POTEF: variants seen among roughly 807,000 people sequenced by gnomAD.
The protein encoded by POTEF is POTE ankyrin domain family member F.
POTEF carries 20 observed loss-of-function variants against 83.2 expected under a neutral mutation model. The ratio of observed to expected loss-of-function variants is 0.24; its 90% CI spans 0.17 to 0.35. POTEF has a LOEUF of 0.35. Ranked by LOEUF, POTEF falls within the 10% of genes least tolerant of loss-of-function variation. POTEF has a pLI of 1.00. For missense variants in POTEF, 550 were observed against 1,203.2 expected (o/e 0.46, Z 8.03); for synonymous variants, 196 against 446.4 (o/e 0.44, Z 7.07).
chr2:130,073,941 G>A lies in POTEF; in HGVS notation c.*303C>T. On this transcript the variant is annotated 3_prime_UTR_variant, in exon 17 of 17. Coordinates refer to ENST00000409914, the MANE Select transcript of POTEF (RefSeq NM_001099771.2). The stretch of plus-strand genomic sequence containing the variant: ...CATTCTCCTTAGAGAGAAGTGGGGT[G>A]GCTTTTAGCAGGGCAAGGGGCTTCC... 1.8e-6 allele frequency: 1 copy of A among 544,790 alleles called. No homozygotes were observed. The highest frequency in any genetic ancestry group is 3.3e-6 in the Non-Finnish European group (1 of 305,320). 33.7% of individuals were successfully genotyped at this position (544,790 alleles called of 1,614,324 possible).
chr2:130,078,368 G>C (rs1683872975), intron 15 of POTEF, among the ~76,000 whole-genome samples: 1 of 90,774 alleles, frequency 1.1e-5, no homozygotes, highest in African/African-American at 4.1e-5. Flanking sequence ...AAAAAGGTGT[G>C]AAGTACCTAG....
At chr2:130,126,983 C>T (rs2104714296) in intron 2 of POTEF, among the ~76,000 whole-genome samples, 1 of 152,024 alleles carries the variant, frequency 6.6e-6, no homozygotes, top group Non-Finnish European at 1.5e-5. Flanking sequence ...ATCCCCTCCC[C>T]AATTCACAAA....
rs1425187427 is a variant in POTEF at position 130,075,055 on chromosome 2, G to A, written c.2417C>T (p.Thr806Ile). The change falls in exon 17 of 17, where the codon ACC becomes ATC. Residue 806 changes from threonine (T) to isoleucine (I), a missense_variant. Thr to Ile is a moderately conservative substitution (Grantham distance 89). Transcript: ENST00000409914. ...GGCCTTAGGGTTCAGGGTGGCCTCG[G>A]TCAGCAGGACGGGGTGCTCCTCGGG... ...VAPEEHPVLL[T>I]EATLNPKANR... 1.2e-6 allele frequency: 2 copies of A among 1,613,844 alleles called. No individual in the cohort carries two copies. Among genetic ancestry groups the A allele is most frequent in the Non-Finnish European group, 8.5e-7 (1 of 1,179,976 alleles).
At chr2:130,109,707 A>G (rs1187182199) in intron 7 of POTEF, 3 of 150,782 alleles carry the variant, frequency 2.0e-5, no homozygotes, top group African/African-American at 7.4e-5. Flanking sequence ...AACATCTGCC[A>G]GAGAAAAGAC....
intron 15 of POTEF, among the ~76,000 whole-genome samples, chr2:130,083,240 C>T (rs1371633718): frequency 4.0e-5 from 6 of 150,806 alleles, no homozygotes; most frequent in Admixed American, 6.6e-5. Context: ...GAGGCTGAGG[C>T]AGGAGAAGTG....
intron 2 of POTEF, among the ~76,000 whole-genome samples, chr2:130,126,694 A>C (rs1685100211): frequency 6.6e-6 from 1 of 152,082 alleles, no homozygotes; most frequent in African/African-American, 2.4e-5. Flanking sequence ...CTATTCAAGT[A>C]ACTAATTATA....
intron 8 of POTEF, among the ~76,000 whole-genome samples, chr2:130,105,147 T>C (rs531976055): frequency 5.7e-5 from 8 of 140,816 alleles, no homozygotes; most frequent in African/African-American, 1.1e-4. Context: ...ATATTGACGA[T>C]ACCTCTCTTC....
rs540232366 is a variant in POTEF, at chr2:130,074,912, C to T, written c.2560G>A (p.Asp854Asn). The change falls in exon 17 of 17, where the codon GAC becomes AAC. Residue 854 changes from aspartate (D) to asparagine (N), a missense_variant. Physicochemically the swap from Asp to Asn is conservative, Grantham distance 23. Coordinates refer to ENST00000409914, the MANE Select transcript of POTEF (RefSeq NM_001099771.2). ...TSGRTTGIVMDSGDGVTHTVP... is the reference protein window; with the variant it reads ...TSGRTTGIVMNSGDGVTHTVP... ...GTGTGGGTGACCCCGTCACCAGAGT[C>T]CATCACGATGCCAGTAGTACGGCCA... is the stretch of plus-strand genomic sequence containing the variant. The T allele has an allele frequency of 1.9e-5, 30 of 1,601,146 alleles. No individual in the cohort carries two copies. In the East Asian group the frequency reaches 6.1e-4, roughly 33 times the overall value.
chr2:130,105,450 T>C, intron 8 of POTEF, among the ~76,000 whole-genome samples: 1 of 151,710 alleles, frequency 6.6e-6, no homozygotes, highest in Non-Finnish European at 1.5e-5. Context: ...GAAAACTTCC[T>C]TTGTCTCCTG....
rs755473566 is a variant in POTEF at position 130,075,152 on chromosome 2, C to A, written c.2320G>T (p.Gly774Cys). 1 of 1,613,296 alleles carries A rather than the reference C, an allele frequency of 6.2e-7. No individual in the cohort carries two copies. Among genetic ancestry groups the A allele is most frequent in the African/African-American group, 1.3e-5 (1 of 74,648 alleles). Residue 774 changes from glycine to cysteine, a missense_variant, in exon 17 of 17, where the codon GGC becomes TGC. Gly to Cys is a radical substitution (Grantham distance 159, BLOSUM62 -3). Coordinates refer to ENST00000409914, the MANE Select transcript of POTEF (RefSeq NM_001099771.2). ...ILTLKYPMEH[G>C]IITNWDDMEK... The stretch of plus-strand genomic sequence containing the variant: ...ATGTCATCCCAGTTGGTGATGATGC[C>A]GTGTTCCATGGGGTACTTCAGGGTC...
chr2:130,076,621 T>G (rs937713730), intron 16 of POTEF, among the ~76,000 whole-genome samples: 72 of 142,482 alleles, frequency 5.1e-4, no homozygotes, highest in Admixed American at 1.0e-3. Flanking sequence ...GAGAAACTAC[T>G]TGGAGCAAAC....
rs1683768283 is a variant in POTEF at position 130,075,442 on chromosome 2, A to G, written c.2030T>C (p.Leu677Ser). 1 of 1,611,384 alleles carries G rather than the reference A, an allele frequency of 6.2e-7. No homozygotes were observed. Among genetic ancestry groups the G allele is most frequent in the Admixed American group, 1.7e-5 (1 of 59,934 alleles). Reference sequence around the variant, plus strand: ...TTTTTTCACACTTTCAATATCCTCCAAATATTTCTTTTCTCTTAGCTGGCT... The same window carrying G: ...TTTTTTCACACTTTCAATATCCTCCGAATATTTCTTTTCTCTTAGCTGGCT... ...HQSQLREKKY[L>S]EDIESVKKRN... Residue 677 changes from leucine to serine, a missense_variant, in exon 17 of 17, where the codon TTG becomes TCG. Physicochemically the swap from Leu to Ser is moderately radical, Grantham distance 145 (BLOSUM62 -2). Transcript: ENST00000409914.
chr2:130,113,135 A>AT (rs1268696092), intron 5 of POTEF, among the ~76,000 whole-genome samples: 1 of 133,438 alleles, frequency 7.5e-6, no homozygotes, highest in East Asian at 2.3e-4. Flanking sequence ...TAATCCTAGC[A>AT]TTTGGGGAGG....
At chr2:130,105,290 G>C (rs1455530971) in intron 8 of POTEF, among the ~76,000 whole-genome samples, 1 of 151,226 alleles carries the variant, frequency 6.6e-6, no homozygotes, top group Non-Finnish European at 1.5e-5. Flanking sequence ...AATGAAAAAA[G>C]CATAACACCA....
At chr2:130,118,879 T>C (rs900932340) in intron 3 of POTEF, among the ~76,000 whole-genome samples, 1 of 150,312 alleles carries the variant, frequency 6.7e-6, no homozygotes, top group African/African-American at 2.4e-5. Context: ...TTTCAAATAA[T>C]AAAAAACACC....
chr2:130,076,720 T>C (rs1300484935), intron 16 of POTEF, among the ~76,000 whole-genome samples: 2 of 149,752 alleles, frequency 1.3e-5, no homozygotes, highest in East Asian at 3.9e-4. Flanking sequence ...TCAGTAAAAA[T>C]AATCAATTGA....
chr2:130,115,423 T>C, intron 3 of POTEF, 95 bp from the exon 4 acceptor site: 1 of 1,213,630 alleles, frequency 8.2e-7, no homozygotes, highest in South Asian at 1.5e-5. Flanking sequence ...TAGCCTGCTA[T>C]TACTCTGCCT....
intron 8 of POTEF, among the ~76,000 whole-genome samples, chr2:130,104,184 T>C (rs1473498561): frequency 6.7e-6 from 1 of 150,028 alleles, no homozygotes; most frequent in African/African-American, 2.5e-5. Context: ...GTCAATTCTA[T>C]AAGAAGTCAG....
At chr2:130,094,812 A>C (rs1684202113) in intron 11 of POTEF, among the ~76,000 whole-genome samples, 1 of 62,472 alleles carries the variant, frequency 1.6e-5, no homozygotes, top group Non-Finnish European at 2.9e-5. Context: ...AAATAAAATA[A>C]AATAGTAAAG....
Sources: gnomAD v4.1 joint callset for allele counts (sites outside exome capture counted in the v4.1 genomes callset) on GRCh38, gnomAD v4.1.1 for gene constraint, MANE v1.5 for transcripts, NCBI Gene and HGNC (gene_info 2026-07-23, HGNC 2026-07-21) for gene names.